Variants in UGT1A1 observed in about 807,000 individuals in gnomAD.
UGT1A1 encodes UDP-glucuronosyltransferase 1A1.
In UGT1A1, 33 loss-of-function variants were observed where a neutral mutation model predicts 40.6. The ratio of observed to expected loss-of-function variants is 0.81; its 90% CI spans 0.62 to 1.09. UGT1A1 has a LOEUF of 1.09. UGT1A1 is among the 50% of genes least tolerant of loss of function. The pLI is 0.00. For missense variants in UGT1A1, 694 were observed against 671.2 expected (o/e 1.03, Z -0.38); for synonymous variants, 249 against 265.0 (o/e 0.94, Z 0.59).
Position 233,772,667 on chromosome 2 carries a change from T to C in UGT1A1, c.*108T>C. On this transcript the variant is annotated 3_prime_UTR_variant, in exon 5 of 5. Transcript: ENST00000305208. Reference sequence around the variant, plus strand: ...TTTTATTCTTATTAAGGAAATACTTTGCATAAATTAATCAGCCCCAGAGTG... The same window carrying C: ...TTTTATTCTTATTAAGGAAATACTTCGCATAAATTAATCAGCCCCAGAGTG... The C allele has an allele frequency of 2.0e-6, 3 of 1,538,078 alleles. No individual in the cohort carries two copies. Among genetic ancestry groups the C allele is most frequent in the Admixed American group, 4.0e-5 (2 of 50,106 alleles).
rs780253764 is a variant in UGT1A1 at position 233,760,308 on chromosome 2, C to G, written c.21C>G (p.Gly7=). 1 of 1,613,678 alleles carries G rather than the reference C, an allele frequency of 6.2e-7. No individual in the cohort carries two copies. MAVESQ[G]GRPLVLGLLL... is the part of the protein sequence containing the mutation. ...GCGCCATGGCTGTGGAGTCCCAGGGCGGACGCCCACTTGTCCTGGGCCTGC... is the reference window on the plus strand; with the variant it reads ...GCGCCATGGCTGTGGAGTCCCAGGGGGGACGCCCACTTGTCCTGGGCCTGC... The change falls in exon 1 of 5, where the codon GGC becomes GGG. Residue 7 remains glycine, a synonymous_variant. Transcript: ENST00000305208.
chr2:233,768,475 G>A, intron 4 of UGT1A1, 36 bp downstream of exon 4: 2 of 1,597,142 alleles, frequency 1.3e-6, no homozygotes, highest in Non-Finnish European at 1.7e-6. Flanking sequence ...CTTTGGTCAT[G>A]GCATTCATGA....
intron 4 of UGT1A1, 116 bp downstream of exon 4, chr2:233,768,555 A>C: frequency 6.8e-7 from 1 of 1,474,628 alleles, no homozygotes; most frequent in African/African-American, 1.4e-5. Flanking sequence ...AAAAACAAAT[A>C]CATAAAAATC....
At chr2:233,768,122 G>A in intron 3 of UGT1A1, 98 bp from the exon 4 acceptor site, 1 of 1,602,552 alleles carries the variant, frequency 6.2e-7, no homozygotes, top group Non-Finnish European at 8.5e-7. Flanking sequence ...GGGCATGTGA[G>A]TAACACTGAG....
At chr2:233,770,709 G>A (rs1700141819) in intron 4 of UGT1A1, 2 of 151,546 alleles carry the variant, frequency 1.3e-5, no homozygotes, top group East Asian at 3.9e-4. Context: ...TAAGGTTTAT[G>A]TAAAAGGAAG....
rs757137518 is a variant in UGT1A1 at position 233,760,659 on chromosome 2, G to T, written c.372G>T (p.Leu124Phe). 1.9e-6 allele frequency: 3 copies of T among 1,614,230 alleles called. No homozygotes were observed. Among genetic ancestry groups the T allele is most frequent in the Non-Finnish European group, 1.7e-6 (2 of 1,180,046 alleles). ...TAAAAAAGGACTCTGCTATGCTTTT[G>T]TCTGGCTGTTCCCACTTACTGCACA... ...KKIKKDSAML[L>F]SGCSHLLHNK... Residue 124 changes from leucine (L) to phenylalanine (F), a missense_variant, in exon 1 of 5, where the codon TTG (leucine) becomes TTT (phenylalanine). Transcript: ENST00000305208.
chr2:233,769,855 C>G lies in UGT1A1; in HGVS notation c.1304+1416C>G. On this transcript the variant is annotated intron_variant, in intron 4 of 4. Transcript: ENST00000305208. The surrounding 1 kb of genome is among the most constrained non-coding windows in gnomAD (Gnocchi z 4.4). ...CCTGGGCAACAGAGTGAGACCCTGT[C>G]TCAAAAAAAAAAAAAAAAATGAAAA... is the stretch of plus-strand genomic sequence containing the variant. The G allele has an allele frequency of 2.7e-6, 1 of 372,080 alleles. No individual in the cohort carries two copies. The highest frequency in any genetic ancestry group is 7.2e-5 in the South Asian group (1 of 13,958). 23.0% of individuals were successfully genotyped at this position (372,080 alleles called of 1,614,324 possible).
chr2:233,765,218 C>T (rs1413075025), intron 1 of UGT1A1, among the ~76,000 whole-genome samples: 1 of 152,118 alleles, frequency 6.6e-6, no homozygotes, highest in African/African-American at 2.4e-5. Flanking sequence ...GTATTCTTTG[C>T]AAACATAAAA....
chr2:233,760,347 G>A lies in UGT1A1; in HGVS notation c.60G>A (p.Leu20=), dbSNP rs1239455417. ...PLVLGLLLCV[L]GPVVSHAGKI... ...TCCTGGGCCTGCTGCTGTGTGTGCT[G>A]GGCCCAGTGGTGTCCCATGCTGGGA... Residue 20 remains leucine, a synonymous_variant, in exon 1 of 5, where the codon CTG becomes CTA. Coordinates refer to ENST00000305208, the MANE Select transcript of UGT1A1 (RefSeq NM_000463.3). The A allele has an allele frequency of 6.2e-7, 1 of 1,613,914 alleles. No homozygotes were observed. Among genetic ancestry groups the A allele is most frequent in the African/African-American group, 1.3e-5 (1 of 74,930 alleles).
At chr2:233,767,974 G>A (rs1338835560) in intron 3 of UGT1A1, 38 bp downstream of exon 3, 1 of 1,613,994 alleles carries the variant, frequency 6.2e-7, no homozygotes, top group Non-Finnish European at 8.5e-7. Context: ...TCAAACCAGG[G>A]TCAAATTAAG....
chr2:233,763,841 T>C (rs1452550547), intron 1 of UGT1A1, among the ~76,000 whole-genome samples: 1 of 152,178 alleles, frequency 6.6e-6, no homozygotes, highest in Admixed American at 6.5e-5. Context: ...CAGGGTAAGA[T>C]AGCAGTGGTT....
intron 1 of UGT1A1, among the ~76,000 whole-genome samples, chr2:233,765,711 TTAATAA>T (rs10664358): frequency 2.7e-5 from 4 of 149,240 alleles, no homozygotes; most frequent in African/African-American, 7.4e-5. Context: ...ATAATAATAA[TTAATAA>T]TAATAATAAT....
At position 233,772,593 on chromosome 2, in the gene UGT1A1, C is replaced by G; in HGVS notation, c.*34C>G. On this transcript the variant is annotated 3_prime_UTR_variant, in exon 5 of 5. Transcript: ENST00000305208. The stretch of plus-strand genomic sequence containing the variant: ...TGGGAAATAAGGTAAAATTTTGAAC[C>G]ATTCCCTAGTCATTTCCAAACTTGA... The G allele has an allele frequency of 6.3e-7, 1 of 1,598,604 alleles. No individual in the cohort carries two copies. The highest frequency in any genetic ancestry group is 8.5e-7 in the Non-Finnish European group (1 of 1,171,794).
intron 4 of UGT1A1, 143 bp downstream of exon 4, chr2:233,768,582 CTTTTT>C: frequency 1.9e-3 from 1,917 of 1,027,810 alleles, no homozygotes; most frequent in East Asian, 5.4e-3. Flanking sequence ...TTTATTTCTT[CTTTTT>C]TTTTTTTTTT....
In UGT1A1 at chr2:233,772,400, C is replaced by T. The variant is rs1479735066; in HGVS notation, c.1443C>T (p.Leu481=). ...APHLRPAAHD[L]TWYQYHSLDV... is the part of the protein sequence containing the mutation. ...ACCTGCGCCCCGCAGCCCACGACCT[C>T]ACCTGGTACCAGTACCATTCCTTGG... Residue 481 remains leucine, a synonymous_variant, in exon 5 of 5, where the codon CTC becomes CTT. Transcript: ENST00000305208. 1 of 1,614,246 alleles carries T rather than the reference C, an allele frequency of 6.2e-7. No homozygotes were observed.
rs762309245 is a variant in UGT1A1 at position 233,767,917 on chromosome 2, A to G, written c.1065A>G (p.Leu355=). The stretch of plus-strand genomic sequence containing the variant: ...ACAACACGATACTTGTTAAGTGGCT[A>G]CCCCAAAACGATCTGCTTGGTATGT... ...LANNTILVKW[L]PQNDLLGHPM... The change falls in exon 3 of 5, where the codon CTA becomes CTG. Residue 355 remains leucine, a synonymous_variant. Coordinates refer to ENST00000305208, the MANE Select transcript of UGT1A1 (RefSeq NM_000463.3). 2 of 1,614,072 alleles carry G rather than the reference A, an allele frequency of 1.2e-6. No homozygotes were observed. The highest frequency in any genetic ancestry group is 2.2e-5 in the East Asian group (1 of 44,896).
chr2:233,765,711 TTAA>T (rs10664358), intron 1 of UGT1A1, among the ~76,000 whole-genome samples: 5,413 of 149,254 alleles, frequency 0.036, 331 homozygotes, highest in African/African-American at 0.13. Context: ...ATAATAATAA[TTAA>T]TAATAATAAT....
Position 233,760,552 on chromosome 2 carries a change from A to C in UGT1A1, c.265A>C (p.Lys89Gln). 1 of 1,614,264 alleles carries C rather than the reference A, an allele frequency of 6.2e-7. No homozygotes were observed. Among genetic ancestry groups the C allele is most frequent in the Non-Finnish European group, 8.5e-7 (1 of 1,180,052 alleles). Residue 89 changes from lysine (K) to glutamine (Q), a missense_variant, in exon 1 of 5, where the codon AAA (lysine) becomes CAA (glutamine). By Grantham distance (53) the Lys-to-Gln change is moderately conservative (BLOSUM62 1). Transcript: ENST00000305208. Reference protein sequence around the residue: ...YPVPFQREDVKESFVSLGHNV... With the variant: ...YPVPFQREDVQESFVSLGHNV... ...TGTGCCATTCCAAAGGGAGGATGTG[A>C]AAGAGTCTTTTGTTAGTCTCGGGCA...
intron 2 of UGT1A1, 116 bp downstream of exon 2, chr2:233,767,281 C>T: frequency 6.4e-7 from 1 of 1,571,624 alleles, no homozygotes; most frequent in Non-Finnish European, 8.6e-7. Flanking sequence ...TTTTCCCTGC[C>T]ACTTCCCAAC....
Sources: gnomAD v4.1 joint callset for allele counts (sites outside exome capture counted in the v4.1 genomes callset) on GRCh38, gnomAD v4.1.1 for gene constraint, Gnocchi (gnomAD v3.1) non-coding constraint, MANE v1.5 for transcripts, NCBI Gene and HGNC (gene_info 2026-07-23, HGNC 2026-07-21) for gene names.